The following PALM2AKAP2 variants were observed in gnomAD, a reference collection of about 807,000 sequenced individuals.
PALM2AKAP2 encodes the protein PALM2 and AKAP2 fusion.
Under a neutral mutation model 71.5 loss-of-function variants are expected in PALM2AKAP2, and 37 were observed. The observed-to-expected ratio is 0.52, with a 90% CI of 0.40 to 0.68. The LOEUF is 0.68. Among genes scored for constraint, PALM2AKAP2 ranks in the 30% least tolerant of loss-of-function variants. The pLI, the probability that PALM2AKAP2 is intolerant of heterozygous loss-of-function variation, is 0.00. For missense variants in PALM2AKAP2, 1,224 were observed against 1,191.8 expected (o/e 1.03, Z -0.40); for synonymous variants, 468 against 478.8 (o/e 0.98, Z 0.29).
At chr9:109,757,508 G>A (rs78174341) in intron 1 of PALM2AKAP2, among the ~76,000 whole-genome samples, 6,715 of 152,138 alleles carry the variant, frequency 0.044, 200 homozygotes, top group Non-Finnish European at 0.053. Flanking sequence ...AGAGAGGCAG[G>A]TCTGCCCCAT....
chr9:109,666,606 T>C (rs545083131), intron 1 of PALM2AKAP2, among the ~76,000 whole-genome samples: 1 of 152,352 alleles, frequency 6.6e-6, no homozygotes, highest in East Asian at 1.9e-4. Context: ...GCTGACTCCA[T>C]GCTTTATGCC....
At chr9:109,836,663 C>G (rs1323298881) in intron 1 of PALM2AKAP2, among the ~76,000 whole-genome samples, 1 of 152,138 alleles carries the variant, frequency 6.6e-6, no homozygotes, top group Non-Finnish European at 1.5e-5. Flanking sequence ...ACTAGAATAA[C>G]CAGTGTAGAG....
intron 1 of PALM2AKAP2, among the ~76,000 whole-genome samples, chr9:109,810,439 A>G (rs1827698935): frequency 6.6e-6 from 1 of 152,196 alleles, no homozygotes. Flanking sequence ...GGCAGTGACC[A>G]TCCTTATGAA....
At chr9:110,054,988 T>C (rs1391653570) in intron 1 of PALM2AKAP2, among the ~76,000 whole-genome samples, 3 of 152,130 alleles carry the variant, frequency 2.0e-5, no homozygotes, top group African/African-American at 7.2e-5. Context: ...GGAAATTCTC[T>C]AAGCCTGACT....
At chr9:109,982,896 A>T (rs116852611) in intron 6 of PALM2AKAP2, among the ~76,000 whole-genome samples, 14,105 of 152,186 alleles carry the variant, frequency 0.093, 796 homozygotes, top group East Asian at 0.16. Flanking sequence ...AGTGTTAAAA[A>T]TATAGGTGTG....
At chr9:109,895,708 T>C (rs986712107) in intron 3 of PALM2AKAP2, among the ~76,000 whole-genome samples, 10 of 152,202 alleles carry the variant, frequency 6.6e-5, no homozygotes, top group Non-Finnish European at 1.0e-4. Flanking sequence ...CAATATTGTA[T>C]TTAAGTCTGT....
intron 1 of PALM2AKAP2, among the ~76,000 whole-genome samples, chr9:109,762,842 C>T (rs535786826): frequency 6.6e-6 from 1 of 152,292 alleles, no homozygotes; most frequent in Admixed American, 6.5e-5. Flanking sequence ...TCTCAATGCC[C>T]CTCCTTCCCA....
intron 7 of PALM2AKAP2, among the ~76,000 whole-genome samples, chr9:110,022,021 A>G (rs1464941628): frequency 6.6e-6 from 1 of 152,236 alleles, no homozygotes; most frequent in African/African-American, 2.4e-5. Flanking sequence ...TGTCCAACCA[A>G]TCTGAGGCAG....
intron 3 of PALM2AKAP2, among the ~76,000 whole-genome samples, chr9:109,913,825 C>T (rs865989339): frequency 3.4e-5 from 5 of 147,990 alleles, no homozygotes; most frequent in Middle Eastern, 3.5e-3. Flanking sequence ...GGCGCAATCT[C>T]GGCTCACTGC....
chr9:109,858,198 TTA>T (rs1829219379), intron 1 of PALM2AKAP2, among the ~76,000 whole-genome samples: 2 of 152,220 alleles, frequency 1.3e-5, no homozygotes, highest in Admixed American at 1.3e-4. Context: ...CCCTGTCTCT[TTA>T]TCTTCCTGTG....
chr9:109,734,075 A>AG (rs1828594608), intron 1 of PALM2AKAP2, among the ~76,000 whole-genome samples: 1 of 152,228 alleles, frequency 6.6e-6, no homozygotes, highest in Non-Finnish European at 1.5e-5. Flanking sequence ...AGTAAGCCCG[A>AG]GGGGGAGACC....
chr9:109,800,859 G>T (rs892210614), intron 1 of PALM2AKAP2, among the ~76,000 whole-genome samples: 2 of 152,166 alleles, frequency 1.3e-5, no homozygotes, highest in Non-Finnish European at 2.9e-5. Context: ...CTTTAATAGA[G>T]GATCCTAACT....
In PALM2AKAP2 at chr9:109,730,916, A is replaced by C. The variant is rs1269662860; in HGVS notation, c.6-49572A>C. On this transcript the variant is annotated intron_variant, in intron 1 of 6. Transcript: ENST00000374531. Reference sequence around the variant, plus strand: ...CTCATTTGCCAGTGGAAAAAAAAAAAGGATAACATAACATCCCTTATACTA... The same window carrying C: ...CTCATTTGCCAGTGGAAAAAAAAAACGGATAACATAACATCCCTTATACTA... 3.9e-5 allele frequency among the ~76,000 whole-genome samples: 6 copies of C among 151,950 alleles called. No individual in the cohort carries two copies. In the East Asian group the frequency reaches 9.7e-4, roughly 24 times the overall value.
At chr9:109,929,365 G>A (rs867016126) in intron 5 of PALM2AKAP2, among the ~76,000 whole-genome samples, 10 of 152,042 alleles carry the variant, frequency 6.6e-5, no homozygotes, top group Middle Eastern at 3.4e-3. Flanking sequence ...ATCTGCTCTG[G>A]TCATCCCTTC....
At chr9:109,708,642 A>T (rs1385040122) in intron 1 of PALM2AKAP2, among the ~76,000 whole-genome samples, 1 of 152,160 alleles carries the variant, frequency 6.6e-6, no homozygotes, top group Non-Finnish European at 1.5e-5. Context: ...CCTGGAATGG[A>T]ATTTAGGTTT....
chr9:109,777,032 A>G (rs1829358462), upstream of PALM2AKAP2, among the ~76,000 whole-genome samples: 1 of 152,206 alleles, frequency 6.6e-6, no homozygotes, highest in Admixed American at 6.5e-5. Flanking sequence ...GGAGATTCTG[A>G]TGCAGATTTC....
chr9:109,799,372 G>A (rs139720563), intron 1 of PALM2AKAP2, among the ~76,000 whole-genome samples: 3 of 152,330 alleles, frequency 2.0e-5, no homozygotes, highest in African/African-American at 7.2e-5. Context: ...GTGGCAGAGT[G>A]GAGGCAGGAT....
At chr9:110,110,874 A>C (rs1195636167) in intron 1 of PALM2AKAP2, among the ~76,000 whole-genome samples, 2 of 151,678 alleles carry the variant, frequency 1.3e-5, no homozygotes, top group Non-Finnish European at 2.9e-5. Flanking sequence ...AAATACTCCA[A>C]ATGATGCGAT....
chr9:110,119,299 T>C (rs924887987), intron 1 of PALM2AKAP2, among the ~76,000 whole-genome samples: 4 of 136,042 alleles, frequency 2.9e-5, no homozygotes, highest in East Asian at 4.2e-4. Flanking sequence ...GTCAAGATCA[T>C]GCCACTGCAC....
Sources: allele counts gnomAD v4.1 joint callset (sites outside exome capture counted in the v4.1 genomes callset), GRCh38; gene constraint gnomAD v4.1.1; transcripts MANE v1.5; gene names NCBI Gene and HGNC (gene_info 2026-07-23, HGNC 2026-07-21).